Variants in POPDC3 observed in about 807,000 individuals in gnomAD.
The protein encoded by POPDC3 is popeye domain-containing protein 3.
A neutral mutation model predicts 28.2 loss-of-function variants in POPDC3; 20 were observed. The observed-to-expected ratio is 0.71, with a 90% CI of 0.50 to 1.03. The LOEUF is 1.03. Ranked by LOEUF, POPDC3 falls within the 50% of genes least tolerant of loss-of-function variation. The pLI, the probability that POPDC3 is intolerant of heterozygous loss-of-function variation, is 0.00. For missense variants in POPDC3, 316 were observed against 345.9 expected (o/e 0.91, Z 0.69); for synonymous variants, 118 against 124.1 (o/e 0.95, Z 0.33).
At chr6:105,169,824 G>A (rs926656173) in intron 1 of POPDC3, 3 of 152,112 alleles carry the variant, frequency 2.0e-5, no homozygotes, top group Non-Finnish European at 1.5e-5. Flanking sequence ...AGGGAAACAC[G>A]AAGATATAGC....
At chr6:105,167,782 A>G (rs1233046493) in intron 1 of POPDC3, among the ~76,000 whole-genome samples, 2 of 151,818 alleles carry the variant, frequency 1.3e-5, no homozygotes, top group Non-Finnish European at 2.9e-5. Flanking sequence ...ATATGTCATT[A>G]ATGTTTATAT....
intron 1 of POPDC3, among the ~76,000 whole-genome samples, chr6:105,176,308 C>T (rs1321744910): frequency 6.6e-6 from 1 of 152,078 alleles, no homozygotes; most frequent in Non-Finnish European, 1.5e-5. Context: ...AGTAAAAAAC[C>T]AAAATCACTC....
intron 1 of POPDC3, chr6:105,166,446 G>C (rs1380636788): frequency 2.7e-6 from 1 of 368,662 alleles, no homozygotes; most frequent in Non-Finnish European, 5.4e-6. Flanking sequence ...AAATCTAAGA[G>C]ATAGGAAGGA....
At chr6:105,162,752 CAG>C (rs1226539424) in intron 1 of POPDC3, among the ~76,000 whole-genome samples, 1 of 152,130 alleles carries the variant, frequency 6.6e-6, no homozygotes, top group Non-Finnish European at 1.5e-5. Context: ...TATATATTTG[CAG>C]ATTCATGGAC....
At position 105,157,969 on chromosome 6, in the gene POPDC3, C is replaced by G. The variant is rs1774219755; in HGVS notation, c.*501G>C. 6.6e-6 allele frequency among the ~76,000 whole-genome samples: 1 copy of G among 151,904 alleles called. No individual in the cohort carries two copies. Among genetic ancestry groups the G allele is most frequent in the Admixed American group, 6.6e-5 (1 of 15,210 alleles). On this transcript the variant is annotated 3_prime_UTR_variant, in exon 4 of 4. Coordinates refer to ENST00000254765, the MANE Select transcript of POPDC3 (RefSeq NM_022361.5). Reference sequence around the variant, plus strand: ...AAGATTCACATATTATTATCTCTTGCATTTATTCTACTTTTTAGTCGCATC... The same window carrying G: ...AAGATTCACATATTATTATCTCTTGGATTTATTCTACTTTTTAGTCGCATC...
intron 1 of POPDC3, among the ~76,000 whole-genome samples, chr6:105,170,232 CT>C (rs1192694492): frequency 1.3e-5 from 2 of 152,118 alleles, no homozygotes; most frequent in East Asian, 3.9e-4. Flanking sequence ...AAGCCATTCC[CT>C]TTTGATGAGC....
intron 3 of POPDC3, 111 bp from the exon 4 acceptor site, chr6:105,158,862 T>A (rs1427091430): frequency 1.0e-6 from 1 of 969,604 alleles, no homozygotes; most frequent in Admixed American, 2.4e-5. Flanking sequence ...TTTTTTAGGT[T>A]GAAAAAGCCC....
rs560724440 is a variant in POPDC3, at chr6:105,168,098, G to A, written c.-251-5938C>T. On this transcript the variant is annotated intron_variant, in intron 1 of 3. Coordinates refer to ENST00000254765, the MANE Select transcript of POPDC3 (RefSeq NM_022361.5). ...ATGGTATTGGTTACAACATTCATAT[G>A]CTGCCATCAGTCAGATGTTACCCAA... Among the ~76,000 whole-genome samples, 5 of 152,310 alleles carry A rather than the reference G, an allele frequency of 3.3e-5. No individual in the cohort carries two copies. In the South Asian group the frequency reaches 6.2e-4, roughly 19 times the overall value.
At chr6:105,165,639 C>T (rs180777642) in intron 1 of POPDC3, among the ~76,000 whole-genome samples, 57 of 152,304 alleles carry the variant, frequency 3.7e-4, no homozygotes, top group African/African-American at 1.3e-3. Flanking sequence ...GGAGCTGGGG[C>T]ATCACTTTTT....
chr6:105,169,099 G>A (rs1774521491), intron 1 of POPDC3: 2 of 152,160 alleles, frequency 1.3e-5, no homozygotes, highest in African/African-American at 4.8e-5. Context: ...AAGATGCTAA[G>A]TTTGTAGTCA....
chr6:105,158,617 G>C lies in POPDC3; in HGVS notation c.729C>G (p.Leu243=). The part of the protein sequence containing the change: ...VLIGSDIADK[L]YALNDRVYIG... ...TATATACCCTGTCATTCAAGGCATA[G>C]AGTTTATCTGCAATGTCACTGCCAA... The change falls in exon 4 of 4, where the codon CTC becomes CTG. Residue 243 remains leucine (L), a synonymous_variant. Coordinates refer to ENST00000254765, the MANE Select transcript of POPDC3 (RefSeq NM_022361.5). 6.2e-7 allele frequency: 1 copy of C among 1,614,162 alleles called. No individual in the cohort carries two copies. Among genetic ancestry groups the C allele is most frequent in the Non-Finnish European group, 8.5e-7 (1 of 1,180,016 alleles).
chr6:105,158,424 TGAA>T lies in POPDC3; in HGVS notation c.*43_*45del, dbSNP rs752998090. The T allele has an allele frequency of 5.4e-6, 8 of 1,487,210 alleles. No individual in the cohort carries two copies. Among genetic ancestry groups the T allele is most frequent in the Admixed American group, 4.2e-5 (2 of 47,650 alleles). The allele number at this position is 1,487,210 out of a possible 1,614,324, so 92.1% of individuals were successfully genotyped here. On this transcript the variant is annotated 3_prime_UTR_variant, in exon 4 of 4. Coordinates refer to ENST00000254765, the MANE Select transcript of POPDC3 (RefSeq NM_022361.5). Reference sequence around the variant, plus strand: ...ATTTTGCTATTTCACTGGGGAATGATGAAGAGAGAGTCTTTTTTTATACTTATA... The same window carrying T: ...ATTTTGCTATTTCACTGGGGAATGATGAGAGAGTCTTTTTTTATACTTATA...
chr6:105,179,349 T>C (rs981059942), intron 1 of POPDC3, among the ~76,000 whole-genome samples: 1 of 149,916 alleles, frequency 6.7e-6, no homozygotes. Flanking sequence ...GGGGCGGGAG[T>C]AGGGGGGAAG....
chr6:105,178,560 G>C (rs1774722095), intron 1 of POPDC3: 1 of 130,890 alleles, frequency 7.6e-6, no homozygotes, highest in South Asian at 3.1e-4. Flanking sequence ...CCAAACTCCT[G>C]AAGACACACA....
chr6:105,175,264 T>C (rs1774659174), intron 1 of POPDC3, among the ~76,000 whole-genome samples: 1 of 150,686 alleles, frequency 6.6e-6, no homozygotes, highest in South Asian at 2.1e-4. Flanking sequence ...TGGGGCTGGG[T>C]ATAGTGGCTC....
In POPDC3 at chr6:105,161,611, C is replaced by T. The variant is rs202226180; in HGVS notation, c.299G>A (p.Arg100His). 3.7e-6 allele frequency: 6 copies of T among 1,614,034 alleles called. No homozygotes were observed. Among genetic ancestry groups the T allele is most frequent in the East Asian group, 2.2e-5 (1 of 44,870 alleles). Residue 100 changes from arginine to histidine, a missense_variant, in exon 2 of 4, where the codon CGC (arginine) becomes CAC (histidine). Physicochemically the swap from Arg to His is conservative, Grantham distance 29. Coordinates refer to ENST00000254765, the MANE Select transcript of POPDC3 (RefSeq NM_022361.5). ...MQFVHIAYQV[R>H]SITFAREFQV... is the part of the protein sequence containing the mutation. ...GAATTCTCGGGCAAAGGTTATGCTG[C>T]GAACTTGATATGCAATATGAACAAA...
At chr6:105,175,091 C>T (rs1016531967) in intron 1 of POPDC3, among the ~76,000 whole-genome samples, 10 of 151,558 alleles carry the variant, frequency 6.6e-5, no homozygotes, top group African/African-American at 2.4e-4. Flanking sequence ...CACTTGAACC[C>T]GGGAGGCTGA....
intron 1 of POPDC3, chr6:105,176,961 T>C: frequency 5.6e-6 from 1 of 180,004 alleles, no homozygotes; most frequent in Non-Finnish European, 1.1e-5. Flanking sequence ...TATTTTTACC[T>C]TTTTAAAAAC....
chr6:105,168,469 G>A (rs187817621), intron 1 of POPDC3, among the ~76,000 whole-genome samples: 18 of 152,226 alleles, frequency 1.2e-4, no homozygotes, highest in African/African-American at 2.6e-4. Flanking sequence ...AGGCTACACC[G>A]GACTTTTTTC....
Sources: gnomAD v4.1 joint callset for allele counts (sites outside exome capture counted in the v4.1 genomes callset) on GRCh38, gnomAD v4.1.1 for gene constraint, MANE v1.5 for transcripts, NCBI Gene and HGNC (gene_info 2026-07-23, HGNC 2026-07-21) for gene names.